The following EPC2 variants were observed in gnomAD, a reference collection of about 807,000 sequenced individuals.
The protein encoded by EPC2 is enhancer of polycomb homolog 2.
EPC2 carries 14 observed loss-of-function variants against 92.1 expected under a neutral mutation model. That is an observed-to-expected ratio of 0.15 (90% CI 0.10 to 0.24). EPC2 has a LOEUF of 0.24. EPC2 is among the 10% of genes least tolerant of loss of function. EPC2 has a pLI of 1.00. For synonymous variants in EPC2, 340 were observed against 334.7 expected (o/e 1.02, Z -0.17); for missense variants, 755 against 971.5 (o/e 0.78, Z 2.96).
intron 10 of EPC2, among the ~76,000 whole-genome samples, chr2:148,771,633 T>A (rs1487893595): frequency 6.6e-6 from 1 of 152,124 alleles, no homozygotes; most frequent in Non-Finnish European, 1.5e-5. Flanking sequence ...GTGGCCACAC[T>A]GCTTATAAGC....
At chr2:148,731,801 G>A (rs1682637418) in intron 2 of EPC2, among the ~76,000 whole-genome samples, 2 of 152,196 alleles carry the variant, frequency 1.3e-5, no homozygotes, top group South Asian at 2.1e-4. Context: ...ATAGATAAAT[G>A]TTGGAAAGCT....
At chr2:148,672,075 G>A (rs994580027) in intron 1 of EPC2, among the ~76,000 whole-genome samples, 1 of 152,124 alleles carries the variant, frequency 6.6e-6, no homozygotes, top group African/African-American at 2.4e-5. Context: ...AAGCCATCTG[G>A]TCCTAGGCTT....
At chr2:148,694,420 T>G (rs1681703493) in intron 2 of EPC2, among the ~76,000 whole-genome samples, 1 of 152,198 alleles carries the variant, frequency 6.6e-6, no homozygotes, top group East Asian at 1.9e-4. Flanking sequence ...GAGCTGTCTT[T>G]ACCAGGTGGG....
rs141691178 is a variant in EPC2, at chr2:148,666,563, A to G, written c.153+21393A>G. Among the ~76,000 whole-genome samples the G allele has an allele frequency of 6.4e-4, 97 of 152,358 alleles. No individual in the cohort carries two copies. The East Asian group carries it at 0.018, about 28-fold the overall frequency. ...ACAAGTTCACACTTTTAAAATTATT[A>G]GTTTCAGCAGATAAAATTACTCTGT... is the stretch of plus-strand genomic sequence containing the variant. On this transcript the variant is annotated intron_variant, in intron 1 of 13. Transcript: ENST00000258484.
intron 4 of EPC2, among the ~76,000 whole-genome samples, chr2:148,757,325 G>A (rs185594964): frequency 0.018 from 2,791 of 152,124 alleles, 76 homozygotes; most frequent in African/African-American, 0.062. Flanking sequence ...GCAGTGAGCC[G>A]AGATCGCGCC....
intron 1 of EPC2, among the ~76,000 whole-genome samples, chr2:148,668,577 T>C (rs974720495): frequency 2.0e-5 from 3 of 152,196 alleles, no homozygotes; most frequent in Admixed American, 2.0e-4. Context: ...TTCTGGAGTT[T>C]TCTTTGTGTG....
At chr2:148,659,368 G>T (rs1043977651) in intron 1 of EPC2, among the ~76,000 whole-genome samples, 4 of 151,958 alleles carry the variant, frequency 2.6e-5, no homozygotes, top group African/African-American at 9.7e-5. Context: ...AATGCAGATT[G>T]CTTTTTTAAA....
chr2:148,776,897 C>T (rs1683657824), intron 10 of EPC2, among the ~76,000 whole-genome samples: 1 of 132,298 alleles, frequency 7.6e-6, no homozygotes, highest in Non-Finnish European at 1.5e-5. Context: ...GTCTTGTTCT[C>T]TCGCCCACAC....
intron 1 of EPC2, among the ~76,000 whole-genome samples, chr2:148,665,358 A>G (rs187025321): frequency 6.6e-6 from 1 of 152,158 alleles, no homozygotes; most frequent in Non-Finnish European, 1.5e-5. Context: ...TTATTCACCT[A>G]CTGTTTGAAT....
At chr2:148,770,181 A>G (rs1683489419) in intron 8 of EPC2, among the ~76,000 whole-genome samples, 1 of 152,138 alleles carries the variant, frequency 6.6e-6, no homozygotes, top group Admixed American at 6.5e-5. Flanking sequence ...CTGGGATTAC[A>G]GGCGCATACC....
At chr2:148,694,407 A>C (rs1416528960) in intron 2 of EPC2, among the ~76,000 whole-genome samples, 2 of 152,166 alleles carry the variant, frequency 1.3e-5, no homozygotes, top group Non-Finnish European at 1.5e-5. Context: ...ATCATAACAC[A>C]TTGAGCTGTC....
At chr2:148,686,726 T>C (rs930921828) in intron 1 of EPC2, among the ~76,000 whole-genome samples, 7 of 152,346 alleles carry the variant, frequency 4.6e-5, no homozygotes, top group Middle Eastern at 3.4e-3. Context: ...TCAGACTTCT[T>C]GGGTGACCAT....
chr2:148,718,748 G>C (rs1682305821), intron 2 of EPC2, among the ~76,000 whole-genome samples: 1 of 152,022 alleles, frequency 6.6e-6, no homozygotes, highest in African/African-American at 2.4e-5. Flanking sequence ...GTATCTTACT[G>C]GGGTTCTCTG....
intron 4 of EPC2, among the ~76,000 whole-genome samples, chr2:148,754,383 A>G (rs542820782): frequency 6.6e-6 from 1 of 152,236 alleles, no homozygotes; most frequent in East Asian, 1.9e-4. Flanking sequence ...TCTGCTACCT[A>G]TGCCTTTTAT....
chr2:148,693,909 C>G (rs896484199), intron 2 of EPC2, among the ~76,000 whole-genome samples: 14 of 152,158 alleles, frequency 9.2e-5, no homozygotes, highest in Admixed American at 8.5e-4. Context: ...TGCGTACTTT[C>G]GTTGTGGCAC....
At chr2:148,718,273 A>G (rs1257381090) in intron 2 of EPC2, among the ~76,000 whole-genome samples, 1 of 151,114 alleles carries the variant, frequency 6.6e-6, no homozygotes, top group Non-Finnish European at 1.5e-5. Flanking sequence ...TGCGGATTTG[A>G]TTCTCTCATC....
intron 1 of EPC2, among the ~76,000 whole-genome samples, chr2:148,663,631 TATCTTACCACTGAAGCCTGG>T (rs1680993935): frequency 7.7e-6 from 1 of 130,270 alleles, no homozygotes; most frequent in Non-Finnish European, 1.6e-5. Flanking sequence ...GGTAAGAATC[TATCTTACCACTGAAGCCTGG>T]ATCATCACTG....
At chr2:148,773,833 C>T (rs768836938) in intron 10 of EPC2, among the ~76,000 whole-genome samples, 1 of 152,020 alleles carries the variant, frequency 6.6e-6, no homozygotes, top group Non-Finnish European at 1.5e-5. Context: ...TAGGAATTTC[C>T]TCATCTACCT....
intron 3 of EPC2, among the ~76,000 whole-genome samples, chr2:148,747,739 GTCTTC>G (rs1164864406): frequency 3.3e-5 from 5 of 152,006 alleles, no homozygotes; most frequent in African/African-American, 1.2e-4. Context: ...CCTGATTATT[GTCTTC>G]TTTCTTCATC....
Sources: gnomAD v4.1 joint callset for allele counts (sites outside exome capture counted in the v4.1 genomes callset) on GRCh38, gnomAD v4.1.1 for gene constraint, MANE v1.5 for transcripts, NCBI Gene and HGNC (gene_info 2026-07-23, HGNC 2026-07-21) for gene names.